The following EVA1C variants were observed in gnomAD, a reference collection of about 807,000 sequenced individuals.
The protein encoded by EVA1C is eva-1 homolog C, also known as protein eva-1 homolog C.
A neutral mutation model predicts 45.4 loss-of-function variants in EVA1C; 25 were observed. The observed-to-expected ratio is 0.55, with a 90% CI of 0.40 to 0.77. The LOEUF (loss-of-function observed/expected upper bound fraction) is 0.77, where lower values mean the gene tolerates loss of function less well. Ranked by LOEUF, EVA1C falls within the 30% of genes least tolerant of loss-of-function variation. EVA1C has a pLI of 0.00. For synonymous variants in EVA1C, 190 were observed against 221.2 expected (o/e 0.86, Z 1.25); for missense variants, 479 against 554.8 (o/e 0.86, Z 1.37).
intron 7 of EVA1C, among the ~76,000 whole-genome samples, chr21:32,507,411 TGTG>T: frequency 4.2e-5 from 2 of 47,522 alleles, no homozygotes; most frequent in African/African-American, 4.2e-4. Context: ...CATGTGCATG[TGTG>T]TGTATGTGTG....
chr21:32,480,437 T>C (rs1352597379), intron 4 of EVA1C, among the ~76,000 whole-genome samples: 1 of 152,170 alleles, frequency 6.6e-6, no homozygotes, highest in Non-Finnish European at 1.5e-5. Context: ...GTAGTATGTA[T>C]GTGATTCCAG....
Position 32,421,875 on chromosome 21 carries a change from C to T in EVA1C, c.160+8862C>T, listed in dbSNP as rs189243201. On this transcript the variant is annotated intron_variant, in intron 1 of 7. Transcript: ENST00000300255. ...CCTGGCCAACATGGCGAAGCCCTGT[C>T]TCTACTAAAAAATACAAAAATTAGC... 4.3e-3 allele frequency among the ~76,000 whole-genome samples: 655 copies of T among 152,068 alleles called. 5 individuals are homozygous for T. The highest frequency in any genetic ancestry group is 0.014 in the African/African-American group (567 of 41,480).
rs2035663629 is a variant in EVA1C, at chr21:32,453,507, A to C, written c.356A>C (p.Gln119Pro). ...ACCTGTGTGGCAGCCACCACCTTCC[A>C]GGTATTGCCTTTTGTAGACATGTTA... is the stretch of plus-strand genomic sequence containing the variant. Reference protein sequence around the residue: ...SLTCVAATTFQKVLDECQNQR... With the variant: ...SLTCVAATTFPKVLDECQNQR... The change falls in exon 2 of 8, where the codon CAG becomes CCG. Residue 119 changes from glutamine to proline, a missense_variant and splice_region_variant. By Grantham distance (76) the Gln-to-Pro change is moderately conservative. This residue lies in a region of EVA1C where 366 missense variants were observed against 426.1 expected (regional missense o/e 0.86). Transcript: ENST00000300255. The C allele has an allele frequency of 1.2e-6, 2 of 1,600,058 alleles. No homozygotes were observed. The highest frequency in any genetic ancestry group is 2.7e-5 in the African/African-American group (2 of 74,682).
chr21:32,420,519 G>A (rs1420762259), intron 1 of EVA1C, among the ~76,000 whole-genome samples: 4 of 152,146 alleles, frequency 2.6e-5, no homozygotes, highest in Non-Finnish European at 5.9e-5. Flanking sequence ...CCTAGTAGTT[G>A]GGACTATAGT....
upstream of EVA1C, chr21:32,412,539 G>T (rs113560687): frequency 9.3e-3 from 2,511 of 268,898 alleles, 47 homozygotes; most frequent in African/African-American, 0.048. Flanking sequence ...GCCGCGGGGC[G>T]CGCGAAGGCT....
At chr21:32,459,146 G>C (rs903232509) in intron 3 of EVA1C, among the ~76,000 whole-genome samples, 1 of 151,886 alleles carries the variant, frequency 6.6e-6, no homozygotes, top group Non-Finnish European at 1.5e-5. Flanking sequence ...TCACACACAG[G>C]CACACACTAA....
chr21:32,445,984 CTGTAA>C (rs1369257674), intron 1 of EVA1C, among the ~76,000 whole-genome samples: 1 of 152,138 alleles, frequency 6.6e-6, no homozygotes, highest in Non-Finnish European at 1.5e-5. Flanking sequence ...TGGCTTACAC[CTGTAA>C]TCCCAGCACT....
At chr21:32,416,692 C>T (rs1003919853) in intron 1 of EVA1C, among the ~76,000 whole-genome samples, 2 of 151,968 alleles carry the variant, frequency 1.3e-5, no homozygotes, top group African/African-American at 4.8e-5. Flanking sequence ...TGATGGGCTT[C>T]TAGGTAGAGG....
chr21:32,483,239 T>C (rs2146359777), intron 4 of EVA1C, among the ~76,000 whole-genome samples: 1 of 152,252 alleles, frequency 6.6e-6, no homozygotes, highest in South Asian at 2.1e-4. Flanking sequence ...CCTTTGCAAA[T>C]GGTCTATTTA....
chr21:32,432,162 G>A (rs2034730715), intron 1 of EVA1C, among the ~76,000 whole-genome samples: 1 of 152,016 alleles, frequency 6.6e-6, no homozygotes, highest in Non-Finnish European at 1.5e-5. Context: ...GGGTGGGACT[G>A]TCACAGCAAT....
At chr21:32,497,761 A>G (rs948522225) in intron 5 of EVA1C, among the ~76,000 whole-genome samples, 10 of 152,200 alleles carry the variant, frequency 6.6e-5, no homozygotes, top group African/African-American at 2.2e-4. Flanking sequence ...GAGGTCTCAC[A>G]GTCATGGCGG....
chr21:32,505,495 C>T (rs575056580), intron 7 of EVA1C, among the ~76,000 whole-genome samples: 22 of 152,306 alleles, frequency 1.4e-4, no homozygotes, highest in African/African-American at 3.1e-4. Flanking sequence ...ACCGACATTG[C>T]GCTCAGTGAG....
intron 4 of EVA1C, among the ~76,000 whole-genome samples, chr21:32,476,514 G>T (rs1177886057): frequency 6.6e-6 from 1 of 152,106 alleles, no homozygotes; most frequent in East Asian, 1.9e-4. Flanking sequence ...GGTGGCGCAT[G>T]CCTGCAATCC....
chr21:32,429,760 G>A (rs1372540540), intron 1 of EVA1C, among the ~76,000 whole-genome samples: 1 of 152,154 alleles, frequency 6.6e-6, no homozygotes, highest in Non-Finnish European at 1.5e-5. Context: ...ATCCACATGT[G>A]TAATATTAAA....
intron 4 of EVA1C, among the ~76,000 whole-genome samples, chr21:32,472,598 T>G (rs1432185618): frequency 1.3e-5 from 2 of 151,660 alleles, no homozygotes; most frequent in Non-Finnish European, 2.9e-5. Flanking sequence ...ATCGCACCTC[T>G]GCACTCCAGC....
intron 4 of EVA1C, among the ~76,000 whole-genome samples, chr21:32,476,078 A>G (rs1225926585): frequency 6.6e-6 from 1 of 150,388 alleles, no homozygotes; most frequent in East Asian, 1.9e-4. Flanking sequence ...GACCTTGGCC[A>G]TTTCCTCATA....
chr21:32,426,771 C>T (rs1398006519), intron 1 of EVA1C, among the ~76,000 whole-genome samples: 1 of 152,178 alleles, frequency 6.6e-6, no homozygotes, highest in Non-Finnish European at 1.5e-5. Context: ...CTGAGCATGC[C>T]TCCCTCCATC....
intron 4 of EVA1C, among the ~76,000 whole-genome samples, chr21:32,475,058 G>A (rs1392679870): frequency 6.6e-6 from 1 of 152,200 alleles, no homozygotes; most frequent in Non-Finnish European, 1.5e-5. Context: ...TTATGTGAGA[G>A]CGAGGGGTTG....
chr21:32,420,105 T>C (rs1601199371), intron 1 of EVA1C, among the ~76,000 whole-genome samples: 1 of 152,332 alleles, frequency 6.6e-6, no homozygotes, highest in Non-Finnish European at 1.5e-5. Flanking sequence ...CTTCTTTACT[T>C]GGTTTCCCTC....
Sources: gnomAD v4.1 joint callset for allele counts (sites outside exome capture counted in the v4.1 genomes callset) on GRCh38, gnomAD v4.1.1 for gene constraint, gnomAD v4.1.1 regional missense constraint, MANE v1.5 for transcripts, NCBI Gene and HGNC (gene_info 2026-07-23, HGNC 2026-07-21) for gene names.